CLSTN2: variants seen among roughly 807,000 people sequenced by gnomAD.
CLSTN2 encodes calsyntenin-2.
CLSTN2 carries 48 observed loss-of-function variants against 101.2 expected under a neutral mutation model. The ratio of observed to expected loss-of-function variants is 0.47; its 90% CI spans 0.38 to 0.60. CLSTN2 has a LOEUF of 0.60. Among genes scored for constraint, CLSTN2 ranks in the 20% least tolerant of loss-of-function variants. The pLI, the probability that CLSTN2 is intolerant of heterozygous loss-of-function variation, is 0.00. For missense variants in CLSTN2, 1,160 were observed against 1,238.2 expected (o/e 0.94, Z 0.95); for synonymous variants, 481 against 463.6 (o/e 1.04, Z -0.48).
At chr3:140,032,074 C>T (rs2007564004) in intron 1 of CLSTN2, among the ~76,000 whole-genome samples, 1 of 152,156 alleles carries the variant, frequency 6.6e-6, no homozygotes, top group Non-Finnish European at 1.5e-5. Flanking sequence ...GACCCTTGAC[C>T]TCCTTCCCCC....
intron 9 of CLSTN2, among the ~76,000 whole-genome samples, chr3:140,539,531 A>ACAGTAT (rs755574235): frequency 1.3e-5 from 2 of 152,204 alleles, no homozygotes; most frequent in Non-Finnish European, 2.9e-5. Flanking sequence ...GAAAGCAAAA[A>ACAGTAT]CAGTATCGTC....
rs148674241 is a variant in CLSTN2 at position 140,251,479 on chromosome 3, T to G, written c.232+75406T>G. 1.9e-3 allele frequency among the ~76,000 whole-genome samples: 290 copies of G among 152,302 alleles called. 5 individuals carry two copies. The highest frequency in any genetic ancestry group is 4.6e-4 in the Non-Finnish European group (31 of 68,038). On this transcript the variant is annotated intron_variant, in intron 2 of 16. Coordinates refer to ENST00000458420, the MANE Select transcript of CLSTN2 (RefSeq NM_022131.3). ...CTTTGGCAGAAAGAGCTAAAAATGT[T>G]TCAGAAACTTTGAAGATATTATCTT...
chr3:140,285,332 G>A (rs758104189), intron 2 of CLSTN2, among the ~76,000 whole-genome samples: 6 of 151,892 alleles, frequency 4.0e-5, no homozygotes, highest in Non-Finnish European at 8.8e-5. Context: ...TGTCTATTGG[G>A]GAGTTGGAAG....
intron 12 of CLSTN2, 87 bp from the exon 13 acceptor site, chr3:140,562,051 G>A (rs1935925914): frequency 8.3e-7 from 1 of 1,205,736 alleles, no homozygotes; most frequent in South Asian, 1.4e-5. Context: ...AACCTGGGGT[G>A]CAATAACAGA....
intron 1 of CLSTN2, among the ~76,000 whole-genome samples, chr3:139,965,142 A>G (rs2107816231): frequency 6.6e-6 from 1 of 152,294 alleles, no homozygotes; most frequent in Middle Eastern, 3.4e-3. Context: ...TGCTGTTCTG[A>G]AATTCTGTTC....
chr3:140,404,844 C>G (rs2088285018), intron 4 of CLSTN2, 78 bp downstream of exon 4: 1 of 1,218,784 alleles, frequency 8.2e-7, no homozygotes, highest in African/African-American at 1.5e-5. Context: ...AACATGGGCT[C>G]TGAATATGCT....
intron 1 of CLSTN2, among the ~76,000 whole-genome samples, chr3:140,173,397 C>A (rs1365383875): frequency 6.6e-6 from 1 of 152,232 alleles, no homozygotes; most frequent in Non-Finnish European, 1.5e-5. Context: ...GCCTCCCTCC[C>A]AGCTGCTTTC....
chr3:140,185,772 C>A lies in CLSTN2; in HGVS notation c.232+9699C>A, dbSNP rs977927045. Among the ~76,000 whole-genome samples the A allele has an allele frequency of 5.9e-5, 9 of 152,226 alleles. No homozygotes were observed. In the East Asian group the frequency reaches 1.7e-3, roughly 29 times the overall value. ...ATGCTCAAACTGCAGTTAGGAGTAC[C>A]CTGTCAGCAGAGGGAGGGGAGGACA... On this transcript the variant is annotated intron_variant, in intron 2 of 16. Transcript: ENST00000458420.
At chr3:140,545,960 C>T (rs1935575783) in intron 9 of CLSTN2, among the ~76,000 whole-genome samples, 2 of 152,214 alleles carry the variant, frequency 1.3e-5, no homozygotes, top group Admixed American at 6.5e-5. Flanking sequence ...TCTAGTATTC[C>T]TCAGTCTCAT....
chr3:140,263,623 A>T (rs570427781), intron 2 of CLSTN2, among the ~76,000 whole-genome samples: 40 of 152,322 alleles, frequency 2.6e-4, no homozygotes, highest in African/African-American at 9.1e-4. Context: ...TACAGAGTAG[A>T]TGCTCCCCAA....
intron 8 of CLSTN2, among the ~76,000 whole-genome samples, chr3:140,480,834 T>C (rs1471298024): frequency 6.6e-6 from 1 of 152,236 alleles, no homozygotes; most frequent in African/African-American, 2.4e-5. Context: ...TCATTGTAGA[T>C]TGTGGATATT....
At chr3:140,030,964 T>G (rs2007534575) in intron 1 of CLSTN2, among the ~76,000 whole-genome samples, 1 of 152,198 alleles carries the variant, frequency 6.6e-6, no homozygotes, top group Admixed American at 6.5e-5. Flanking sequence ...CCTTCCCTTG[T>G]TTATGTCAGC....
At chr3:140,528,552 A>G (rs573673283) in intron 8 of CLSTN2, among the ~76,000 whole-genome samples, 1 of 152,020 alleles carries the variant, frequency 6.6e-6, no homozygotes, top group South Asian at 2.1e-4. Flanking sequence ...ACAAAGTAGG[A>G]CGTGCATTTA....
In CLSTN2 at chr3:140,514,921, A is replaced by G. The variant is rs116840352; in HGVS notation, c.1345-17403A>G. On this transcript the variant is annotated intron_variant, in intron 8 of 16. Transcript: ENST00000458420. ...TTTAGGGAGGACTCTCTCTTTCTCT[A>G]TCTTTTGGAATAGTTTCAGGATGAT... Among the ~76,000 whole-genome samples the G allele has an allele frequency of 8.1e-3, 1,236 of 152,202 alleles. 22 individuals are homozygous for G. Among genetic ancestry groups the G allele is most frequent in the African/African-American group, 0.028 (1,161 of 41,526 alleles).
Position 140,549,768 on chromosome 3 carries a change from C to G in CLSTN2, c.1674+3087C>G, listed in dbSNP as rs1222258878. ...GAATAATGACTACTATTTTATTGGA[C>G]AGTTACTGCCCTCCTCCCACCTCTC... On this transcript the variant is annotated intron_variant, in intron 10 of 16. Transcript: ENST00000458420. Among the ~76,000 whole-genome samples, 2 of 149,622 alleles carry G rather than the reference C, an allele frequency of 1.3e-5. 1 individual carries two copies. The highest frequency in any genetic ancestry group is 4.0e-4 in the East Asian group (2 of 5,024).
At chr3:140,213,190 G>A (rs1333193697) in intron 2 of CLSTN2, among the ~76,000 whole-genome samples, 1 of 152,118 alleles carries the variant, frequency 6.6e-6, no homozygotes, top group Non-Finnish European at 1.5e-5. Flanking sequence ...ACCACCTTCA[G>A]TCCCAGGATC....
In CLSTN2 at chr3:140,556,629, T is replaced by C; in HGVS notation, c.1791T>C (p.Gly597=). 6.2e-7 allele frequency: 1 copy of C among 1,611,428 alleles called. No homozygotes were observed. Among genetic ancestry groups the C allele is most frequent in the East Asian group, 2.2e-5 (1 of 44,784 alleles). The change falls in exon 11 of 17, where the codon GGT becomes GGC. Residue 597 remains glycine (G), a synonymous_variant. Transcript: ENST00000458420. ...YINSRQFPTA[G]VRRLKVSSKV... is the part of the protein sequence containing the mutation. ...ACTCCAGGCAGTTCCCAACGGCGGG[T>C]GTGCGGCGCCTCAAAGTATCCTCCA...
At chr3:140,139,845 T>C (rs979069403) in intron 1 of CLSTN2, among the ~76,000 whole-genome samples, 1 of 152,310 alleles carries the variant, frequency 6.6e-6, no homozygotes, top group East Asian at 1.9e-4. Flanking sequence ...CAGTGATGTG[T>C]CCCAAATGAT....
rs1458124268 is a variant in CLSTN2, at chr3:140,242,298, A to G, written c.232+66225A>G. On this transcript the variant is annotated intron_variant, in intron 2 of 16. Coordinates refer to ENST00000458420, the MANE Select transcript of CLSTN2 (RefSeq NM_022131.3). Reference sequence around the variant, plus strand: ...TACTTGAGAAAGACTAACAGAAACCATGTCACCATTGTTAAATACATCCCC... The same window carrying G: ...TACTTGAGAAAGACTAACAGAAACCGTGTCACCATTGTTAAATACATCCCC... Among the ~76,000 whole-genome samples the G allele has an allele frequency of 2.6e-5, 4 of 152,176 alleles. No homozygotes were observed. The East Asian group carries it at 7.7e-4, about 29-fold the overall frequency.
Sources: gnomAD v4.1 joint callset for allele counts (sites outside exome capture counted in the v4.1 genomes callset) on GRCh38, gnomAD v4.1.1 for gene constraint, MANE v1.5 for transcripts, NCBI Gene and HGNC (gene_info 2026-07-23, HGNC 2026-07-21) for gene names.